Variants in RGPD8 observed in about 807,000 individuals in gnomAD.
RGPD8 encodes the protein RANBP2-like and GRIP domain-containing protein 8.
A neutral mutation model predicts 89.1 loss-of-function variants in RGPD8; 15 were observed. The observed-to-expected ratio is 0.17, with a 90% confidence interval of 0.11 to 0.26. RGPD8 has a LOEUF of 0.26. Ranked by LOEUF, RGPD8 falls within the 10% of genes least tolerant of loss-of-function variation. The pLI is 1.00. For synonymous variants in RGPD8, 62 were observed against 420.9 expected (o/e 0.15, Z 10.44); for missense variants, 178 against 1,179.6 (o/e 0.15, Z 12.44).
chr2:112,422,451 A>T (rs1679594802), intron 3 of RGPD8, 97 bp downstream of exon 3: 1 of 1,542,834 alleles, frequency 6.5e-7, no homozygotes. Flanking sequence ...TGCCTGTTTT[A>T]TGATATTTAT....
In RGPD8 at chr2:112,414,202, G is replaced by A. The variant is rs551183707; in HGVS notation, c.783-1576C>T. 3.6e-5 allele frequency among the ~76,000 whole-genome samples: 5 copies of A among 140,258 alleles called. 1 individual carries two copies. Among genetic ancestry groups the A allele is most frequent in the Admixed American group, 1.4e-4 (2 of 14,414 alleles). 92.0% of individuals were successfully genotyped at this position (140,258 alleles called of 152,430 possible). Reference sequence around the variant, plus strand: ...TAAAAAATGCTATTATTGGCCCTGCGCAGTGGCTCACACATGTAATTCCAG... The same window carrying A: ...TAAAAAATGCTATTATTGGCCCTGCACAGTGGCTCACACATGTAATTCCAG... On this transcript the variant is annotated intron_variant, in intron 6 of 22. Transcript: ENST00000302558.
intron 20 of RGPD8, among the ~76,000 whole-genome samples, chr2:112,387,364 T>G (rs1051166246): frequency 7.4e-6 from 1 of 134,668 alleles, no homozygotes; most frequent in Non-Finnish European, 1.6e-5. Flanking sequence ...TTTTTGTTTT[T>G]TGTTTTTTTT....
chr2:112,381,897 T>C (rs1192165089), intron 20 of RGPD8, among the ~76,000 whole-genome samples: 1 of 152,304 alleles, frequency 6.6e-6, no homozygotes, highest in African/African-American at 2.4e-5. Context: ...TGGTTAATAC[T>C]GGGTGTCAAC....
chr2:112,422,468 T>C, intron 3 of RGPD8, 80 bp downstream of exon 3: 1 of 1,557,544 alleles, frequency 6.4e-7, no homozygotes, highest in South Asian at 1.2e-5. Context: ...TTATAAAATA[T>C]ATTTGACTTA....
In RGPD8 at chr2:112,422,759, G is replaced by A. The variant is rs1307254973; in HGVS notation, c.141-100C>T. 1.3e-4 allele frequency: 68 copies of A among 540,126 alleles called. 1 individual carries two copies. Among genetic ancestry groups the A allele is most frequent in the Middle Eastern group, 9.3e-4 (2 of 2,160 alleles). 33.5% of individuals were successfully genotyped at this position (540,126 alleles called of 1,614,324 possible). On this transcript the variant is annotated intron_variant, in intron 2 of 22. Coordinates refer to ENST00000302558, the MANE Select transcript of RGPD8 (RefSeq NM_001164463.1). ...TTAAACCAAAGCAACCACTAAACTC[G>A]TTTATATTGTTACTCAAAACTACCA... is the stretch of plus-strand genomic sequence containing the variant.
rs1375805345 is a variant in RGPD8 at position 112,430,723 on chromosome 2, G to A, written c.72+2659C>T. On this transcript the variant is annotated intron_variant, in intron 1 of 22. Coordinates refer to ENST00000302558, the MANE Select transcript of RGPD8 (RefSeq NM_001164463.1). ...TCACACCTGTAATCTCAGCACTTGG[G>A]GCCAAGGCGGGAGGATCACTTGAGC... is the stretch of plus-strand genomic sequence containing the variant. 2.0e-5 allele frequency among the ~76,000 whole-genome samples: 3 copies of A among 151,864 alleles called. No homozygotes were observed. In the East Asian group the frequency reaches 5.8e-4, roughly 29 times the overall value.
At position 112,370,057 on chromosome 2, in the gene RGPD8, T is replaced by C; in HGVS notation, c.*121A>G. On this transcript the variant is annotated 3_prime_UTR_variant, in exon 23 of 23. Coordinates refer to ENST00000302558, the MANE Select transcript of RGPD8 (RefSeq NM_001164463.1). ...TAAATGCAAACACATATACACACTT[T>C]TTGACAAAAGAATAATGGTAACACA... 2 of 619,820 alleles carry C rather than the reference T, an allele frequency of 3.2e-6. No individual in the cohort carries two copies. Among genetic ancestry groups the C allele is most frequent in the Non-Finnish European group, 4.9e-6 (2 of 406,940 alleles). 38.4% of individuals were successfully genotyped at this position (619,820 alleles called of 1,614,324 possible). A position where few individuals can be genotyped will look rare whatever the true frequency, so the allele number is the denominator to read the frequency against.
chr2:112,423,601 C>T lies in RGPD8; in HGVS notation c.140+639G>A, dbSNP rs370259051. Among the ~76,000 whole-genome samples the T allele has an allele frequency of 9.3e-3, 1,269 of 137,114 alleles. 18 individuals are homozygous for T. Among genetic ancestry groups the T allele is most frequent in the East Asian group, 0.082 (376 of 4,580 alleles). The allele number at this position is 137,114 out of a possible 152,430, so 90.0% of individuals were successfully genotyped here. On this transcript the variant is annotated intron_variant, in intron 2 of 22. Transcript: ENST00000302558. ...CATCTGTATCCCCAGCTACTTGGGG[C>T]GCTGAGGTGGGAAGATCGCTTGAGC... is the stretch of plus-strand genomic sequence containing the variant.
chr2:112,430,575 A>G (rs1307459902), intron 1 of RGPD8, among the ~76,000 whole-genome samples: 1 of 152,026 alleles, frequency 6.6e-6, no homozygotes, highest in East Asian at 1.9e-4. Context: ...ACTTCTGTCT[A>G]GACCAGTGGT....
chr2:112,429,179 G>A (rs74732901), intron 1 of RGPD8, among the ~76,000 whole-genome samples: 1 of 151,608 alleles, frequency 6.6e-6, no homozygotes, highest in East Asian at 1.9e-4. Context: ...CCAGCACTTT[G>A]GGAGGCTGAG....
At chr2:112,370,886 C>T (rs573294604) in intron 22 of RGPD8, among the ~76,000 whole-genome samples, 32 of 151,906 alleles carry the variant, frequency 2.1e-4, no homozygotes, top group African/African-American at 6.8e-4. Flanking sequence ...AACAATCTTA[C>T]CAGCACATAA....
chr2:112,422,714 T>C, intron 2 of RGPD8, 55 bp from the exon 3 acceptor site: 1 of 615,688 alleles, frequency 1.6e-6, no homozygotes, highest in Non-Finnish European at 2.8e-6. Context: ...TACTTTTAAA[T>C]GCTAACCGAA....
In RGPD8 at chr2:112,433,406, C is replaced by T. The variant is rs750112111; in HGVS notation, c.48G>A (p.Leu16=). 3 of 1,610,558 alleles carry T rather than the reference C, an allele frequency of 1.9e-6. No individual in the cohort carries two copies. Among genetic ancestry groups the T allele is most frequent in the Non-Finnish European group, 8.5e-7 (1 of 1,179,200 alleles). The change falls in exon 1 of 23, where the codon CTG becomes CTA. Residue 16 remains leucine (L), a synonymous_variant. Coordinates refer to ENST00000302558, the MANE Select transcript of RGPD8 (RefSeq NM_001164463.1). The part of the protein sequence containing the change: ...ADVERYVASV[L]GLTPSPRQKS... ...CCTGTCGAGGCGACGGGGTGAGACCCAGCACCGAGGCGACGTACCGCTCCA... is the reference window on the plus strand; with the variant it reads ...CCTGTCGAGGCGACGGGGTGAGACCTAGCACCGAGGCGACGTACCGCTCCA...
chr2:112,417,154 G>T, intron 6 of RGPD8, 39 bp downstream of exon 6: 1 of 1,607,940 alleles, frequency 6.2e-7, no homozygotes, highest in Non-Finnish European at 8.5e-7. Context: ...AAGAAAAACT[G>T]CAATTTATAC....
intron 2 of RGPD8, among the ~76,000 whole-genome samples, chr2:112,423,587 C>A (rs1371073006): frequency 2.2e-5 from 3 of 134,974 alleles, no homozygotes; most frequent in South Asian, 2.6e-4. Context: ...ATCTGTATCC[C>A]CAGCTACTTG....
At chr2:112,425,586 C>T (rs1679735921) in intron 1 of RGPD8, among the ~76,000 whole-genome samples, 2 of 151,578 alleles carry the variant, frequency 1.3e-5, no homozygotes, top group African/African-American at 4.8e-5. Flanking sequence ...ATACAGAAAC[C>T]TCCTTTCTAC....
rs528222729 is a variant in RGPD8, at chr2:112,371,954, G to A, written c.5264-1742C>T. On this transcript the variant is annotated intron_variant, in intron 22 of 22. Transcript: ENST00000302558. ...CTGCGTGTTATTTACAATCTGCTGC[G>A]TAACAAATTACTACAAACTTAGTAC... is the stretch of plus-strand genomic sequence containing the variant. 1.4e-4 allele frequency among the ~76,000 whole-genome samples: 21 copies of A among 147,054 alleles called. No homozygotes were observed. In the South Asian group the frequency reaches 1.5e-3, roughly 11 times the overall value.
chr2:112,415,628 C>T (rs539631669), intron 6 of RGPD8, among the ~76,000 whole-genome samples: 2 of 150,018 alleles, frequency 1.3e-5, no homozygotes, highest in East Asian at 3.9e-4. Flanking sequence ...TTATTCAGAG[C>T]ATTGAGAGGA....
chr2:112,410,574 G>A (rs1221767711), intron 7 of RGPD8, among the ~76,000 whole-genome samples: 1 of 151,036 alleles, frequency 6.6e-6, no homozygotes, highest in African/African-American at 2.5e-5. Context: ...TCAGAAGATC[G>A]AGACCATCCT....
Sources: gnomAD v4.1 joint callset for allele counts (sites outside exome capture counted in the v4.1 genomes callset) on GRCh38, gnomAD v4.1.1 for gene constraint, MANE v1.5 for transcripts, NCBI Gene and HGNC (gene_info 2026-07-23, HGNC 2026-07-21) for gene names.